Variants in EXOC6 observed in about 807,000 individuals in gnomAD.
EXOC6 encodes the protein SEC15-like 1.
In EXOC6, 60 loss-of-function variants were observed where a neutral mutation model predicts 112.5. The observed-to-expected ratio is 0.53, with a 90% CI of 0.43 to 0.66. The LOEUF is 0.66. Ranked by LOEUF, EXOC6 falls within the 30% of genes least tolerant of loss-of-function variation. EXOC6 has a pLI of 0.00. For synonymous variants in EXOC6, 295 were observed against 308.0 expected (o/e 0.96, Z 0.44); for missense variants, 855 against 957.1 (o/e 0.89, Z 1.41).
At chr10:92,852,637 A>G (rs1487001487) in intron 1 of EXOC6, among the ~76,000 whole-genome samples, 2 of 152,226 alleles carry the variant, frequency 1.3e-5, no homozygotes, top group South Asian at 2.1e-4. Context: ...TGAAAAATCA[A>G]TGTAACATTG....
At chr10:93,026,659 A>G (rs1202814997) in intron 20 of EXOC6, among the ~76,000 whole-genome samples, 1 of 152,052 alleles carries the variant, frequency 6.6e-6, no homozygotes, top group Non-Finnish European at 1.5e-5. Context: ...CATTATTACT[A>G]TGTCTGTTTT....
At chr10:93,026,051 A>C (rs574360970) in intron 20 of EXOC6, among the ~76,000 whole-genome samples, 2 of 152,136 alleles carry the variant, frequency 1.3e-5, no homozygotes, top group Non-Finnish European at 2.9e-5. Context: ...AAATTTATCC[A>C]TGTTGTTACG....
intron 18 of EXOC6, among the ~76,000 whole-genome samples, chr10:92,976,689 A>C (rs1038583721): frequency 3.3e-5 from 5 of 152,014 alleles, no homozygotes; most frequent in African/African-American, 4.8e-5. Context: ...AAAAAAAAAA[A>C]AACATAATTA....
intron 20 of EXOC6, among the ~76,000 whole-genome samples, chr10:93,047,664 G>C (rs965169707): frequency 6.7e-6 from 1 of 148,988 alleles, no homozygotes; most frequent in Non-Finnish European, 1.5e-5. Context: ...TTGTGAGAGA[G>C]AGGCCAGGCA....
chr10:93,000,012 A>G (rs1015167827), intron 19 of EXOC6, among the ~76,000 whole-genome samples: 1 of 152,114 alleles, frequency 6.6e-6, no homozygotes, highest in Non-Finnish European at 1.5e-5. Flanking sequence ...CCCTGTGCCT[A>G]ATTTTTAAGT....
intron 4 of EXOC6, among the ~76,000 whole-genome samples, chr10:92,898,477 G>T (rs2133834683): frequency 6.6e-6 from 1 of 151,660 alleles, no homozygotes; most frequent in Admixed American, 6.6e-5. Context: ...TATTTTCCTG[G>T]TGTATTAGTT....
chr10:92,972,497 G>A (rs1186107006), intron 17 of EXOC6, among the ~76,000 whole-genome samples: 1 of 151,896 alleles, frequency 6.6e-6, no homozygotes, highest in African/African-American at 2.4e-5. Context: ...CTGGAAAAAG[G>A]TGGAATTTTT....
chr10:92,947,278 C>T (rs1003815460), intron 13 of EXOC6, among the ~76,000 whole-genome samples: 2 of 152,156 alleles, frequency 1.3e-5, no homozygotes, highest in African/African-American at 4.8e-5. Flanking sequence ...AACTTTTCAA[C>T]GTGTTGTCTT....
At chr10:92,896,177 ATATATTTTTTTTTTTTTTTTTTTTTT>A (rs1849805021) in intron 4 of EXOC6, among the ~76,000 whole-genome samples, 9 of 16,154 alleles carry the variant, frequency 5.6e-4, no homozygotes, top group African/African-American at 2.7e-3. Context: ...ATATATATAT[ATATATTTTTTTTTTTTTTTTTTTTTT>A]TTTTTTTTTT....
intron 4 of EXOC6, among the ~76,000 whole-genome samples, chr10:92,898,923 G>GT (rs1252730359): frequency 6.6e-6 from 1 of 152,134 alleles, no homozygotes; most frequent in Non-Finnish European, 1.5e-5. Context: ...AGTTTAAAGG[G>GT]TAAAAAGGTT....
intron 7 of EXOC6, among the ~76,000 whole-genome samples, 193 bp from the exon 8 acceptor site, chr10:92,919,789 A>G (rs1851322904): frequency 6.6e-6 from 1 of 152,170 alleles, no homozygotes; most frequent in Non-Finnish European, 1.5e-5. Flanking sequence ...ACTACAAAGA[A>G]TAAACTGCTG....
intron 1 of EXOC6, among the ~76,000 whole-genome samples, chr10:92,840,469 T>C (rs1846805741): frequency 6.6e-6 from 1 of 152,188 alleles, no homozygotes; most frequent in Non-Finnish European, 1.5e-5. Flanking sequence ...AATATTAGTG[T>C]TGACTATTAT....
chr10:92,934,779 A>G (rs1768335905), intron 11 of EXOC6, among the ~76,000 whole-genome samples: 1 of 152,148 alleles, frequency 6.6e-6, no homozygotes, highest in African/African-American at 2.4e-5. Context: ...CTCCACCATT[A>G]AAACTCAGTA....
At chr10:92,931,857 C>G (rs539066918) in intron 9 of EXOC6, among the ~76,000 whole-genome samples, 4 of 152,082 alleles carry the variant, frequency 2.6e-5, no homozygotes, top group African/African-American at 9.6e-5. Flanking sequence ...AATTATACTG[C>G]CACTTTGGAA....
upstream of EXOC6, among the ~76,000 whole-genome samples, chr10:92,832,441 C>A (rs936140277): frequency 6.6e-6 from 1 of 152,132 alleles, no homozygotes; most frequent in Non-Finnish European, 1.5e-5. Context: ...CCACAGCCGG[C>A]TAATTTTTTA....
chr10:92,893,679 G>A (rs1359207681), intron 2 of EXOC6, among the ~76,000 whole-genome samples, 159 bp downstream of exon 2: 1 of 152,170 alleles, frequency 6.6e-6, no homozygotes, highest in African/African-American at 2.4e-5. Flanking sequence ...TAACACAGTT[G>A]TCATGCTAAT....
intron 17 of EXOC6, among the ~76,000 whole-genome samples, chr10:92,966,331 C>T (rs1273910317): frequency 1.4e-5 from 2 of 147,972 alleles, no homozygotes; most frequent in Non-Finnish European, 3.0e-5. Context: ...TACATGTGCA[C>T]AATGTGCAGG....
At chr10:92,862,004 A>G (rs1439884062) in intron 1 of EXOC6, among the ~76,000 whole-genome samples, 2 of 152,234 alleles carry the variant, frequency 1.3e-5, no homozygotes, top group Admixed American at 6.5e-5. Flanking sequence ...GGTAACATCA[A>G]TGTAAAAAAC....
In EXOC6 at chr10:92,952,307, C is replaced by T. The variant is rs755599890; in HGVS notation, c.1451C>T (p.Ser484Leu). The T allele has an allele frequency of 2.5e-6, 4 of 1,612,042 alleles. No individual in the cohort carries two copies. The highest frequency in any genetic ancestry group is 2.5e-6 in the Non-Finnish European group (3 of 1,178,770). The change falls in exon 15 of 22, where the codon TCA becomes TTA. Residue 484 changes from serine to leucine, a missense_variant. This residue lies in a region of EXOC6 where 450 missense variants were observed against 563.5 expected (regional missense o/e 0.80). Transcript: ENST00000260762. ...CCAAAGAAATTCCCCATGTCTCAGT[C>T]AGTGCCTCATATTTACATTCAAGTT... is the stretch of plus-strand genomic sequence containing the variant. ...SFPKKFPMSQ[S>L]VPHIYIQVKE...
Sources: gnomAD v4.1 joint callset for allele counts (sites outside exome capture counted in the v4.1 genomes callset) on GRCh38, gnomAD v4.1.1 for gene constraint, gnomAD v4.1.1 regional missense constraint, MANE v1.5 for transcripts, NCBI Gene and HGNC (gene_info 2026-07-23, HGNC 2026-07-21) for gene names.